Variants in CYP2C19 observed in about 807,000 individuals in gnomAD.
CYP2C19 encodes cytochrome P450 2C19.
A neutral mutation model predicts 40.9 loss-of-function variants in CYP2C19; 59 were observed. The ratio of observed to expected loss-of-function variants is 1.44; its 90% confidence interval spans 1.17 to 1.79. The LOEUF (loss-of-function observed/expected upper bound fraction) is 1.79. CYP2C19 is among the 40% of genes most tolerant of loss of function. CYP2C19 has a pLI of 0.00. For synonymous variants in CYP2C19, 253 were observed against 208.7 expected, an observed-to-expected ratio of 1.21 and a Z score of -1.83; for missense variants, 754 against 596.9, an observed-to-expected ratio of 1.26 and a Z score of -2.74.
chr10:94,831,686 C>G (rs923189578), intron 6 of CYP2C19, among the ~76,000 whole-genome samples: 35 of 152,294 alleles, frequency 2.3e-4, no homozygotes, highest in African/African-American at 8.4e-4. Context: ...TGTCTGTTAA[C>G]AATTAACATG....
At chr10:94,812,305 C>T (rs1373383922) in intron 5 of CYP2C19, among the ~76,000 whole-genome samples, 1 of 152,120 alleles carries the variant, frequency 6.6e-6, no homozygotes, top group Non-Finnish European at 1.5e-5. Context: ...CTTCCCTTAA[C>T]ATTTTTCCTT....
At chr10:94,848,370 C>T (rs919743792) in intron 7 of CYP2C19, among the ~76,000 whole-genome samples, 5 of 152,124 alleles carry the variant, frequency 3.3e-5, no homozygotes, top group Non-Finnish European at 5.9e-5. Flanking sequence ...TCAAGTTTGT[C>T]AAAGATCAGA....
At chr10:94,767,091 G>A (rs1360347124) in intron 1 of CYP2C19, among the ~76,000 whole-genome samples, 1 of 152,120 alleles carries the variant, frequency 6.6e-6, no homozygotes, top group Non-Finnish European at 1.5e-5. Context: ...TGTGAAAAAA[G>A]GCCATCCATA....
At chr10:94,815,336 C>T (rs1230905303) in intron 5 of CYP2C19, among the ~76,000 whole-genome samples, 3 of 152,190 alleles carry the variant, frequency 2.0e-5, no homozygotes, top group Non-Finnish European at 4.4e-5. Context: ...ACACAGGTCA[C>T]TTGGAGACTC....
At chr10:94,824,952 C>T (rs896664250) in intron 6 of CYP2C19, among the ~76,000 whole-genome samples, 1 of 147,130 alleles carries the variant, frequency 6.8e-6, no homozygotes, top group African/African-American at 2.5e-5. Flanking sequence ...TGATGATTTC[C>T]AATTTCATCC....
intron 5 of CYP2C19, among the ~76,000 whole-genome samples, chr10:94,790,969 G>GA (rs1228288611): frequency 6.6e-6 from 1 of 152,036 alleles, no homozygotes; most frequent in Non-Finnish European, 1.5e-5. Flanking sequence ...TACCTCTGGT[G>GA]GAATTCAGCT....
intron 3 of CYP2C19, among the ~76,000 whole-genome samples, chr10:94,778,953 G>A (rs1160318614): frequency 6.6e-6 from 1 of 152,158 alleles, no homozygotes; most frequent in East Asian, 1.9e-4. Flanking sequence ...ATGAGTTCAT[G>A]TCCTTTGCAG....
At chr10:94,798,416 T>C (rs1023358147) in intron 5 of CYP2C19, among the ~76,000 whole-genome samples, 2 of 152,172 alleles carry the variant, frequency 1.3e-5, no homozygotes, top group African/African-American at 4.8e-5. Context: ...TCCAATTATG[T>C]GATCAATTTT....
At chr10:94,779,629 C>A (rs1456029507) in intron 3 of CYP2C19, among the ~76,000 whole-genome samples, 1 of 137,152 alleles carries the variant, frequency 7.3e-6, no homozygotes, top group African/African-American at 2.7e-5. Context: ...TGTGTGATAT[C>A]AGCTCACTGC....
At chr10:94,841,656 T>C (rs561361256) in intron 6 of CYP2C19, among the ~76,000 whole-genome samples, 1 of 152,364 alleles carries the variant, frequency 6.6e-6, no homozygotes, top group Non-Finnish European at 1.5e-5. Flanking sequence ...TTAGTACTGG[T>C]TTTGCAGTAG....
At chr10:94,785,152 A>G (rs1423580020) in intron 5 of CYP2C19, among the ~76,000 whole-genome samples, 6 of 152,012 alleles carry the variant, frequency 3.9e-5, no homozygotes, top group Non-Finnish European at 1.5e-5. Context: ...TTTTTGATGC[A>G]CAAAGTTTAA....
intron 5 of CYP2C19, among the ~76,000 whole-genome samples, chr10:94,791,335 C>T (rs7077029): frequency 0.076 from 11,543 of 151,880 alleles, 502 homozygotes; most frequent in South Asian, 0.12. Context: ...GATTCATTAA[C>T]TTTTTGAAGG....
intron 5 of CYP2C19, among the ~76,000 whole-genome samples, chr10:94,804,104 G>A (rs1371548429): frequency 6.6e-6 from 1 of 152,098 alleles, no homozygotes; most frequent in African/African-American, 2.4e-5. Flanking sequence ...GCAAGTAGAT[G>A]CTCTGAGTGC....
chr10:94,797,351 T>C (rs9783199), intron 5 of CYP2C19, among the ~76,000 whole-genome samples: 143,231 of 147,330 alleles, frequency 0.97, 69,707 homozygotes, highest in East Asian at 1. Flanking sequence ...CCAACTTGAT[T>C]GTGGTGGATA....
At chr10:94,832,423 C>T (rs1849349044) in intron 6 of CYP2C19, among the ~76,000 whole-genome samples, 1 of 152,146 alleles carries the variant, frequency 6.6e-6, no homozygotes, top group African/African-American at 2.4e-5. Context: ...ACTACCATGA[C>T]AACAGTATGG....
intron 8 of CYP2C19, among the ~76,000 whole-genome samples, chr10:94,851,646 C>A (rs557047990): frequency 2.0e-5 from 3 of 152,226 alleles, no homozygotes; most frequent in African/African-American, 7.2e-5. Flanking sequence ...AGCAAGTTCA[C>A]TGTCTGGTGA....
rs747206655 is a variant in CYP2C19 at position 94,775,379 on chromosome 10, C to T, written c.332-11C>T. 1.9e-6 allele frequency: 3 copies of T among 1,613,820 alleles called. No individual in the cohort carries two copies. Among genetic ancestry groups the T allele is most frequent in the South Asian group, 1.1e-5 (1 of 91,058 alleles). On this transcript the variant is annotated splice_polypyrimidine_tract_variant and intron_variant, in intron 2 of 8. Coordinates refer to ENST00000371321, the MANE Select transcript of CYP2C19 (RefSeq NM_000769.4). The stretch of plus-strand genomic sequence containing the variant: ...GGATCTCCCTCCTAGTTTCGTTTCT[C>T]TTCCTGTTAGGAATCGTTTTCAGCA...
intron 5 of CYP2C19, among the ~76,000 whole-genome samples, chr10:94,790,177 T>G (rs1848587956): frequency 2.0e-5 from 3 of 152,148 alleles, no homozygotes; most frequent in African/African-American, 7.2e-5. Flanking sequence ...ATGCTTATGA[T>G]TTTTGCACCT....
chr10:94,824,623 A>C (rs1262113954), intron 6 of CYP2C19, among the ~76,000 whole-genome samples: 2 of 152,128 alleles, frequency 1.3e-5, no homozygotes, highest in Non-Finnish European at 2.9e-5. Flanking sequence ...TAATTTCATG[A>C]CTAAATTTAT....
Sources: allele counts gnomAD v4.1 joint callset (sites outside exome capture counted in the v4.1 genomes callset), GRCh38; gene constraint gnomAD v4.1.1; transcripts MANE v1.5; gene names NCBI Gene and HGNC (gene_info 2026-07-23, HGNC 2026-07-21).